The following IGF2BP3 variants were observed in gnomAD, a reference collection of about 807,000 sequenced individuals.
IGF2BP3 encodes insulin-like growth factor 2 mRNA-binding protein 3.
IGF2BP3 carries 9 observed loss-of-function variants against 73.8 expected under a neutral mutation model. The ratio of observed to expected loss-of-function variants is 0.12; its 90% CI spans 0.07 to 0.21. The LOEUF is 0.21. Ranked by LOEUF, IGF2BP3 falls within the 10% of genes least tolerant of loss-of-function variation. The pLI is 1.00. For synonymous variants in IGF2BP3, 258 were observed against 256.7 expected (o/e 1.01, Z -0.05); for missense variants, 542 against 714.0 (o/e 0.76, Z 2.75).
intron 2 of IGF2BP3, among the ~76,000 whole-genome samples, chr7:23,423,432 A>G (rs1447476483): frequency 6.6e-6 from 1 of 152,258 alleles, no homozygotes; most frequent in Non-Finnish European, 1.5e-5. Context: ...ATATTTTAAT[A>G]GAGTGTTTCT....
At chr7:23,367,404 C>G (rs1277531420) in intron 3 of IGF2BP3, among the ~76,000 whole-genome samples, 2 of 145,138 alleles carry the variant, frequency 1.4e-5, no homozygotes, top group Admixed American at 6.9e-5. Flanking sequence ...GCTAATCATT[C>G]TATGTCAGCC....
chr7:23,321,405 C>T (rs191720451), intron 10 of IGF2BP3, among the ~76,000 whole-genome samples: 1 of 152,234 alleles, frequency 6.6e-6, no homozygotes, highest in Non-Finnish European at 1.5e-5. Flanking sequence ...TATCCCGCAC[C>T]TGGCTCGGAG....
intron 6 of IGF2BP3, among the ~76,000 whole-genome samples, chr7:23,349,827 A>G (rs748998155): frequency 6.6e-6 from 1 of 152,212 alleles, no homozygotes; most frequent in Non-Finnish European, 1.5e-5. Context: ...GAGTAGCTCG[A>G]AAAGGAACAA....
At position 23,438,357 on chromosome 7, in the gene IGF2BP3, G is replaced by GC. The variant is rs1310641844; in HGVS notation, c.237-19534dup. On this transcript the variant is annotated intron_variant, in intron 2 of 14. Coordinates refer to ENST00000258729, the MANE Select transcript of IGF2BP3 (RefSeq NM_006547.3). ...TTGAATTCCTGAGCTTAAGTAATCTGCCCCCCTTGGCATTCCCAAAGTGCT... is the reference window on the plus strand; with the variant it reads ...TTGAATTCCTGAGCTTAAGTAATCTGCCCCCCCTTGGCATTCCCAAAGTGCT... Among the ~76,000 whole-genome samples the GC allele has an allele frequency of 1.5e-3, 225 of 152,052 alleles. 1 individual carries two copies. Among genetic ancestry groups the GC allele is most frequent in the African/African-American group, 5.1e-3 (212 of 41,478 alleles).
intron 3 of IGF2BP3, chr7:23,366,005 T>C (rs1463830373): frequency 2.0e-5 from 3 of 152,194 alleles, no homozygotes; most frequent in Non-Finnish European, 4.4e-5. Flanking sequence ...GTTAAAGTTA[T>C]AAAACCACAC....
intron 2 of IGF2BP3, among the ~76,000 whole-genome samples, chr7:23,464,699 AAT>A (rs1361717646): frequency 2.2e-5 from 3 of 135,466 alleles, no homozygotes; most frequent in African/African-American, 6.7e-5. Context: ...AAAATAAATA[AAT>A]AAAAATAAAA....
chr7:23,387,084 A>C (rs1177915037), intron 3 of IGF2BP3, among the ~76,000 whole-genome samples: 1 of 151,840 alleles, frequency 6.6e-6, no homozygotes, highest in Non-Finnish European at 1.5e-5. Context: ...AAAAGAAAGA[A>C]AGAAAGAAAA....
intron 11 of IGF2BP3, among the ~76,000 whole-genome samples, chr7:23,318,619 TG>T (rs1365238662): frequency 6.6e-6 from 1 of 152,250 alleles, no homozygotes; most frequent in Non-Finnish European, 1.5e-5. Context: ...TCCTCTGGTA[TG>T]TTACCTTCTG....
intron 3 of IGF2BP3, among the ~76,000 whole-genome samples, chr7:23,378,959 C>T (rs1489346649): frequency 6.6e-6 from 1 of 151,882 alleles, no homozygotes; most frequent in Non-Finnish European, 1.5e-5. Context: ...TATTTGGAGA[C>T]CAAGCAGAGG....
At chr7:23,421,155 A>G (rs1787333287) in intron 2 of IGF2BP3, among the ~76,000 whole-genome samples, 2 of 152,010 alleles carry the variant, frequency 1.3e-5, no homozygotes, top group South Asian at 4.1e-4. Flanking sequence ...GATTGCAGGC[A>G]TGCGCCATCA....
chr7:23,457,545 A>G (rs887096702), intron 2 of IGF2BP3, among the ~76,000 whole-genome samples: 1 of 152,240 alleles, frequency 6.6e-6, no homozygotes, highest in African/African-American at 2.4e-5. Context: ...AGTTACTATG[A>G]AAAGGATGGC....
chr7:23,394,202 AG>A (rs1448860022), intron 3 of IGF2BP3, among the ~76,000 whole-genome samples: 1 of 152,220 alleles, frequency 6.6e-6, no homozygotes, highest in Non-Finnish European at 1.5e-5. Flanking sequence ...ATAATCAGCA[AG>A]ACTTTTTAAC....
At chr7:23,334,668 A>G (rs1204726402) in intron 10 of IGF2BP3, among the ~76,000 whole-genome samples, 1 of 152,258 alleles carries the variant, frequency 6.6e-6, no homozygotes, top group Non-Finnish European at 1.5e-5. Flanking sequence ...CCAGATGCCT[A>G]TCGGCAAAAC....
intron 3 of IGF2BP3, among the ~76,000 whole-genome samples, chr7:23,412,565 T>C (rs939647658): frequency 6.6e-6 from 1 of 152,134 alleles, no homozygotes; most frequent in Non-Finnish European, 1.5e-5. Flanking sequence ...ACCTGGTGCA[T>C]AGGCTGTTTC....
intron 3 of IGF2BP3, among the ~76,000 whole-genome samples, chr7:23,369,967 A>T (rs1288376442): frequency 6.6e-6 from 1 of 152,192 alleles, no homozygotes; most frequent in Non-Finnish European, 1.5e-5. Context: ...GCTTGCCTGT[A>T]GCCTAACACT....
At chr7:23,327,096 AAAG>A (rs1408949697) in intron 10 of IGF2BP3, among the ~76,000 whole-genome samples, 6 of 151,430 alleles carry the variant, frequency 4.0e-5, no homozygotes, top group East Asian at 1.9e-4. Context: ...ATTAATTAAA[AAAG>A]AAGATATTTT....
At chr7:23,425,005 A>C (rs1467573266) in intron 2 of IGF2BP3, among the ~76,000 whole-genome samples, 1 of 152,368 alleles carries the variant, frequency 6.6e-6, no homozygotes, top group South Asian at 2.1e-4. Context: ...GAACTACTCC[A>C]GTAAACAACA....
intron 2 of IGF2BP3, among the ~76,000 whole-genome samples, chr7:23,456,980 C>T (rs137961433): frequency 0.02 from 2,988 of 151,932 alleles, 101 homozygotes; most frequent in African/African-American, 0.069. Context: ...AACCGGGAGG[C>T]GGAGGTTGCA....
chr7:23,432,163 C>T (rs1787698894), intron 2 of IGF2BP3, among the ~76,000 whole-genome samples: 1 of 152,122 alleles, frequency 6.6e-6, no homozygotes, highest in Non-Finnish European at 1.5e-5. Context: ...ACGTTATCTC[C>T]ATCTATGTAG....
Sources: gnomAD v4.1 joint callset for allele counts (sites outside exome capture counted in the v4.1 genomes callset) on GRCh38, gnomAD v4.1.1 for gene constraint, MANE v1.5 for transcripts, NCBI Gene and HGNC (gene_info 2026-07-23, HGNC 2026-07-21) for gene names.